PAMR1: variants seen among roughly 807,000 people sequenced by gnomAD.
The protein encoded by PAMR1 is inactive serine protease PAMR1.
In PAMR1, 88 loss-of-function variants were observed where a neutral mutation model predicts 81.8. The observed-to-expected ratio is 1.08, with a 90% CI of 0.91 to 1.28. The LOEUF (loss-of-function observed/expected upper bound fraction) is 1.28, where lower values mean the gene tolerates loss of function less well. Ranked by LOEUF, PAMR1 falls within the 50% of genes most tolerant of loss-of-function variation. PAMR1 has a pLI of 0.00. For missense variants in PAMR1, 935 were observed against 919.7 expected (o/e 1.02, Z -0.21); for synonymous variants, 336 against 345.3 (o/e 0.97, Z 0.30).
At chr11:35,518,753 C>G (rs1851216985) in intron 1 of PAMR1, among the ~76,000 whole-genome samples, 2 of 152,002 alleles carry the variant, frequency 1.3e-5, no homozygotes, top group Non-Finnish European at 2.9e-5. Flanking sequence ...CATTTGATTT[C>G]AAGCAAAACA....
chr11:35,485,363 T>C (rs1455720730), intron 3 of PAMR1, among the ~76,000 whole-genome samples: 2 of 152,238 alleles, frequency 1.3e-5, no homozygotes, highest in Non-Finnish European at 2.9e-5. Flanking sequence ...ATGTATACTA[T>C]TCTTTCAACT....
chr11:35,505,834 T>C (rs1362904676), intron 1 of PAMR1, among the ~76,000 whole-genome samples: 3 of 152,126 alleles, frequency 2.0e-5, no homozygotes, highest in African/African-American at 7.2e-5. Context: ...TTTTGGAGAA[T>C]TGAGCTCATG....
At chr11:35,474,037 C>T (rs995734103) in intron 4 of PAMR1, among the ~76,000 whole-genome samples, 5 of 152,242 alleles carry the variant, frequency 3.3e-5, no homozygotes, top group African/African-American at 1.2e-4. Context: ...GAACGGTTCT[C>T]ACAAAACAGG....
chr11:35,529,387 T>G (rs574037673), upstream of PAMR1, among the ~76,000 whole-genome samples: 1 of 152,320 alleles, frequency 6.6e-6, no homozygotes, highest in South Asian at 2.1e-4. Context: ...ATACAATCAT[T>G]GAGTCTAGGC....
chr11:35,522,054 C>T (rs1851292359), intron 1 of PAMR1, among the ~76,000 whole-genome samples: 1 of 152,090 alleles, frequency 6.6e-6, no homozygotes, highest in African/African-American at 2.4e-5. Flanking sequence ...TCCCGAGTAG[C>T]TGGGACTACA....
chr11:35,528,345 C>T (rs1688450308), upstream of PAMR1, among the ~76,000 whole-genome samples: 1 of 152,194 alleles, frequency 6.6e-6, no homozygotes, highest in South Asian at 2.1e-4. Context: ...GAGGAATCTA[C>T]ATACCAAAAC....
intron 1 of PAMR1, among the ~76,000 whole-genome samples, chr11:35,506,629 C>T (rs1423861119): frequency 6.6e-6 from 1 of 151,324 alleles, no homozygotes; most frequent in Non-Finnish European, 1.5e-5. Flanking sequence ...ATGTTGTCCT[C>T]CTCCCCCATG....
intron 4 of PAMR1, among the ~76,000 whole-genome samples, chr11:35,473,962 G>C (rs1236308024): frequency 6.6e-6 from 1 of 152,206 alleles, no homozygotes; most frequent in East Asian, 1.9e-4. Context: ...ATTTATTCAT[G>C]CAACAAGCAT....
chr11:35,517,128 C>A (rs747675077), intron 1 of PAMR1, among the ~76,000 whole-genome samples: 1 of 152,092 alleles, frequency 6.6e-6, no homozygotes, highest in South Asian at 2.1e-4. Context: ...CATCATCAGG[C>A]GTGCTAACAA....
At chr11:35,506,010 T>C (rs1425276143) in intron 1 of PAMR1, among the ~76,000 whole-genome samples, 1 of 152,076 alleles carries the variant, frequency 6.6e-6, no homozygotes. Context: ...TTATTTTTAC[T>C]GTATCTATTA....
At chr11:35,461,441 C>A (rs1856653003) in intron 6 of PAMR1, among the ~76,000 whole-genome samples, 1 of 152,150 alleles carries the variant, frequency 6.6e-6, no homozygotes, top group Non-Finnish European at 1.5e-5. Context: ...AAAATACACC[C>A]CTTATGTCAG....
At chr11:35,445,958 G>A (rs1449517824) in intron 6 of PAMR1, among the ~76,000 whole-genome samples, 1 of 152,148 alleles carries the variant, frequency 6.6e-6, no homozygotes, top group Non-Finnish European at 1.5e-5. Context: ...AATCCATCTG[G>A]TCCTGGGCTT....
intron 1 of PAMR1, among the ~76,000 whole-genome samples, chr11:35,501,482 CACAAAT>C (rs1850840571): frequency 6.6e-6 from 1 of 152,058 alleles, no homozygotes; most frequent in African/African-American, 2.4e-5. Context: ...CAGCTCAAAA[CACAAAT>C]ACAAGTACAG....
intron 6 of PAMR1, among the ~76,000 whole-genome samples, chr11:35,450,217 A>G (rs190050730): frequency 6.7e-6 from 1 of 148,850 alleles, no homozygotes; most frequent in Non-Finnish European, 1.5e-5. Flanking sequence ...TAACTTTCCT[A>G]TGTGCAACTT....
chr11:35,520,704 A>G (rs942802782), intron 1 of PAMR1, among the ~76,000 whole-genome samples: 3 of 152,082 alleles, frequency 2.0e-5, no homozygotes, highest in African/African-American at 7.2e-5. Context: ...ATGAGGGGGG[A>G]ATGGGGCACA....
chr11:35,482,916 T>C (rs1257236356), intron 3 of PAMR1, among the ~76,000 whole-genome samples: 2 of 152,190 alleles, frequency 1.3e-5, no homozygotes, highest in Non-Finnish European at 2.9e-5. Context: ...TCCATTATAG[T>C]CATCTTTTCC....
upstream of PAMR1, chr11:35,525,842 G>A: frequency 1.8e-6 from 1 of 549,410 alleles, no homozygotes; most frequent in Non-Finnish European, 3.3e-6. Context: ...GAGACCCGCG[G>A]ACGGCGGCTG....
At position 35,432,403 on chromosome 11, in the gene PAMR1, T is replaced by G; in HGVS notation, c.2116A>C (p.Thr706Pro). 6.2e-7 allele frequency: 1 copy of G among 1,613,936 alleles called. No homozygotes were observed. The highest frequency in any genetic ancestry group is 8.5e-7 in the Non-Finnish European group (1 of 1,180,038). ...TCSHRLSTAF[T>P]KVLPFKDWIE... Reference sequence around the variant, plus strand: ...CAGTCTTTAAAAGGCAGCACCTTGGTGAAGGCAGTGGAGAGCCTGTGGCTG... The same window carrying G: ...CAGTCTTTAAAAGGCAGCACCTTGGGGAAGGCAGTGGAGAGCCTGTGGCTG... The change falls in exon 11 of 11, where the codon ACC becomes CCC. Residue 706 changes from threonine (T) to proline (P), a missense_variant. Thr to Pro is a conservative substitution (Grantham distance 38, BLOSUM62 -1). Transcript: ENST00000619888.
intron 1 of PAMR1, among the ~76,000 whole-genome samples, chr11:35,512,012 G>A (rs1851082369): frequency 6.6e-6 from 1 of 152,180 alleles, no homozygotes; most frequent in African/African-American, 2.4e-5. Flanking sequence ...GGTGACCTCA[G>A]TCTTCTCCTT....
Sources: gnomAD v4.1 joint callset for allele counts (sites outside exome capture counted in the v4.1 genomes callset) on GRCh38, gnomAD v4.1.1 for gene constraint, MANE v1.5 for transcripts, NCBI Gene and HGNC (gene_info 2026-07-23, HGNC 2026-07-21) for gene names.